The following GMCL1 variants were observed in gnomAD, a reference collection of about 807,000 sequenced individuals.
GMCL1 encodes the protein germ cell-less 1, spermatogenesis associated.
In GMCL1, 54 loss-of-function variants were observed where a neutral mutation model predicts 75.5. The observed-to-expected ratio is 0.71, with a 90% CI of 0.57 to 0.90. The LOEUF is 0.90. GMCL1 is among the 40% of genes least tolerant of loss of function. The probability of loss-of-function intolerance (pLI) is 0.00; values close to 1 mark genes in which losing one functional copy is unlikely to be tolerated. For missense variants in GMCL1, 537 were observed against 622.7 expected (o/e 0.86, Z 1.47); for synonymous variants, 210 against 209.6 (o/e 1.00, Z -0.02).
At chr2:69,872,691 C>G (rs1043338725) in intron 13 of GMCL1, among the ~76,000 whole-genome samples, 6 of 152,192 alleles carry the variant, frequency 3.9e-5, no homozygotes, top group African/African-American at 1.4e-4. Context: ...CCCCATCTTA[C>G]ATGAAAGGTA....
Position 69,829,993 on chromosome 2 carries a change from C to G in GMCL1, c.101C>G (p.Thr34Ser), listed in dbSNP as rs749069462. The G allele has an allele frequency of 2.5e-6, 4 of 1,580,008 alleles. No homozygotes were observed. Among genetic ancestry groups the G allele is most frequent in the African/African-American group, 1.3e-5 (1 of 74,176 alleles). Reference protein sequence around the residue: ...RAGGSARRPDTGDDAAGHGFC... With the variant: ...RAGGSARRPDSGDDAAGHGFC... Reference sequence around the variant, plus strand: ...GGGGGCTCGGCCCGGAGGCCGGACACTGGAGACGATGCGGCGGGCCACGGA... The same window carrying G: ...GGGGGCTCGGCCCGGAGGCCGGACAGTGGAGACGATGCGGCGGGCCACGGA... Residue 34 changes from threonine (T) to serine (S), a missense_variant, in exon 1 of 14, where the codon ACT becomes AGT. Physicochemically the swap from Thr to Ser is moderately conservative, Grantham distance 58. Around this residue, in one of 3 missense-constraint regions of GMCL1, gnomAD observed 144 missense variants for 127.2 expected, o/e 1.13. Coordinates refer to ENST00000282570, the MANE Select transcript of GMCL1 (RefSeq NM_178439.5).
At chr2:69,842,110 GACAAAA>G (rs1398751144) in intron 4 of GMCL1, among the ~76,000 whole-genome samples, 3 of 152,156 alleles carry the variant, frequency 2.0e-5, no homozygotes, top group Non-Finnish European at 4.4e-5. Context: ...CAGCATTAGA[GACAAAA>G]ACTTGTTGCA....
At chr2:69,832,467 CATACATAT>C (rs1178956914) in intron 1 of GMCL1, among the ~76,000 whole-genome samples, 1 of 152,166 alleles carries the variant, frequency 6.6e-6, no homozygotes, top group African/African-American at 2.4e-5. Context: ...CACATACATA[CATACATAT>C]ATACATTTAT....
chr2:69,850,106 C>T lies in GMCL1; in HGVS notation c.934+364C>T, dbSNP rs189138959. Among the ~76,000 whole-genome samples the T allele has an allele frequency of 1.1e-4, 17 of 152,304 alleles. No individual in the cohort carries two copies. In the East Asian group the frequency reaches 2.7e-3, roughly 24 times the overall value. On this transcript the variant is annotated intron_variant, in intron 8 of 13. Transcript: ENST00000282570. Reference sequence around the variant, plus strand: ...GAGTTTTCTCTAACAAGCTATACCCCGTCAGGCAACCATTCTTAACATAGG... The same window carrying T: ...GAGTTTTCTCTAACAAGCTATACCCTGTCAGGCAACCATTCTTAACATAGG...
chr2:69,843,965 TTAA>T (rs113838178), intron 5 of GMCL1, among the ~76,000 whole-genome samples, 163 bp from the exon 6 acceptor site: 10,482 of 152,258 alleles, frequency 0.069, 936 homozygotes, highest in Admixed American at 0.22. Context: ...AAATATTCTC[TTAA>T]TAATATCCAC....
Position 69,869,736 on chromosome 2 carries a change from A to G in GMCL1, c.1236A>G (p.Thr412=). ...TTTTTTAGTACTGCTGGCGTTGGACAGGTTTTAACTTCGGCTTCGACCTAC... is the reference window on the plus strand; with the variant it reads ...TTTTTTAGTACTGCTGGCGTTGGACGGGTTTTAACTTCGGCTTCGACCTAC... ...AKDGEYCWRW[T]GFNFGFDLLV... Residue 412 remains threonine (T), a synonymous_variant, in exon 12 of 14, where the codon ACA becomes ACG. Coordinates refer to ENST00000282570, the MANE Select transcript of GMCL1 (RefSeq NM_178439.5). The G allele has an allele frequency of 1.2e-6, 2 of 1,614,000 alleles. No homozygotes were observed. Among genetic ancestry groups the G allele is most frequent in the African/African-American group, 1.3e-5 (1 of 75,042 alleles).
intron 1 of GMCL1, 52 bp from the exon 2 acceptor site, chr2:69,837,495 G>C: frequency 1.5e-6 from 2 of 1,295,130 alleles, no homozygotes; most frequent in Non-Finnish European, 2.1e-6. Context: ...TGCAAAATCA[G>C]TAAAACATTC....
intron 13 of GMCL1, among the ~76,000 whole-genome samples, chr2:69,872,937 T>C (rs774667094): frequency 2.0e-5 from 3 of 152,142 alleles, no homozygotes; most frequent in Non-Finnish European, 4.4e-5. Context: ...CAGCAAACAT[T>C]TGTGTCCCCA....
chr2:69,877,134 A>G (rs1230720399), intron 13 of GMCL1, among the ~76,000 whole-genome samples: 3 of 152,236 alleles, frequency 2.0e-5, no homozygotes, highest in Non-Finnish European at 2.9e-5. Flanking sequence ...TCCATCCACA[A>G]TGGAATAAGG....
At chr2:69,839,751 G>A (rs1674928578) in intron 3 of GMCL1, among the ~76,000 whole-genome samples, 198 bp downstream of exon 3, 2 of 152,034 alleles carry the variant, frequency 1.3e-5, no homozygotes, top group South Asian at 2.1e-4. Context: ...TGTCATTTGG[G>A]CCTTATCAGT....
intron 9 of GMCL1, among the ~76,000 whole-genome samples, chr2:69,858,871 G>T (rs1170578221): frequency 6.6e-6 from 1 of 152,072 alleles, no homozygotes; most frequent in African/African-American, 2.4e-5. Flanking sequence ...TTTTTGGCCG[G>T]GTGTGGTGGC....
chr2:69,843,063 T>C (rs1650358754), intron 4 of GMCL1, 86 bp from the exon 5 acceptor site: 2 of 521,172 alleles, frequency 3.8e-6, no homozygotes, highest in African/African-American at 2.1e-5. Context: ...TTTTTTTTTT[T>C]CTTTTACTTT....
In GMCL1 at chr2:69,830,030, T is replaced by A; in HGVS notation, c.138T>A (p.Cys46Ter). 1 of 1,564,076 alleles carries A rather than the reference T, an allele frequency of 6.4e-7. No homozygotes were observed. The highest frequency in any genetic ancestry group is 8.7e-7 in the Non-Finnish European group (1 of 1,154,266). The change falls in exon 1 of 14, where the codon TGT becomes TGA. Residue 46 changes from cysteine (C) to a stop codon, truncating the protein, a stop_gained. Transcript: ENST00000282570. LOFTEE classifies it high-confidence loss of function. ...CGGCGGGCCACGGATTCTGTTACTG[T>A]GCGGGCAGCCACAAGCGCAAGCGGA... The part of the protein sequence containing the change: ...DDAAGHGFCY[C>*]AGSHKRKRSS...
At chr2:69,862,111 TAAAGG>T (rs1378449650) in intron 10 of GMCL1, among the ~76,000 whole-genome samples, 1 of 152,186 alleles carries the variant, frequency 6.6e-6, no homozygotes, top group East Asian at 1.9e-4. Flanking sequence ...TTCTTCATCT[TAAAGG>T]AAAGATTATT....
rs759570688 is a variant in GMCL1 at position 69,879,046 on chromosome 2, A to G, written c.*42A>G. 4 of 1,302,966 alleles carry G rather than the reference A, an allele frequency of 3.1e-6. No individual in the cohort carries two copies. The highest frequency in any genetic ancestry group is 3.3e-6 in the Non-Finnish European group (3 of 903,762). 80.7% of individuals were successfully genotyped at this position (1,302,966 alleles called of 1,614,324 possible). A position where few individuals can be genotyped will look rare whatever the true frequency, so the allele number is the denominator to read the frequency against. On this transcript the variant is annotated 3_prime_UTR_variant, in exon 14 of 14. Coordinates refer to ENST00000282570, the MANE Select transcript of GMCL1 (RefSeq NM_178439.5). ...GAAAATCCAGAAAACTGAAGATTTC[A>G]TCAGTTGGAAACAGTAGCACTTTGA...
At chr2:69,870,950 T>C (rs924337877) in intron 12 of GMCL1, among the ~76,000 whole-genome samples, 6 of 152,330 alleles carry the variant, frequency 3.9e-5, no homozygotes, top group Non-Finnish European at 8.8e-5. Context: ...GCACAGCCAC[T>C]ATGGAGCATG....
In GMCL1 at chr2:69,879,117, C is replaced by T; in HGVS notation, c.*113C>T. ...AATTTAATGGCCCTACTGATATTCA[C>T]ATCGAAGGTGACTAACAATGACAAA... On this transcript the variant is annotated 3_prime_UTR_variant, in exon 14 of 14. Coordinates refer to ENST00000282570, the MANE Select transcript of GMCL1 (RefSeq NM_178439.5). 4.6e-6 allele frequency: 3 copies of T among 652,992 alleles called. No individual in the cohort carries two copies. Among genetic ancestry groups the T allele is most frequent in the Non-Finnish European group, 5.5e-6 (2 of 363,992 alleles). The allele number at this position is 652,992 out of a possible 1,614,324, so 40.4% of individuals were successfully genotyped here.
At chr2:69,855,707 A>G (rs991249958) in intron 9 of GMCL1, among the ~76,000 whole-genome samples, 2 of 152,190 alleles carry the variant, frequency 1.3e-5, no homozygotes, top group South Asian at 4.1e-4. Flanking sequence ...GAAGTGATGC[A>G]TTTTTATAAA....
intron 12 of GMCL1, among the ~76,000 whole-genome samples, chr2:69,870,634 T>G (rs549560781): frequency 3.0e-4 from 46 of 152,256 alleles, no homozygotes; most frequent in African/African-American, 1.1e-3. Flanking sequence ...ATACCCAGAA[T>G]ATATAGAAAA....
Sources: gnomAD v4.1 joint callset for allele counts (sites outside exome capture counted in the v4.1 genomes callset) on GRCh38, gnomAD v4.1.1 for gene constraint, gnomAD v4.1.1 regional missense constraint, MANE v1.5 for transcripts, NCBI Gene and HGNC (gene_info 2026-07-23, HGNC 2026-07-21) for gene names.